The following ACOX3 variants were observed in gnomAD, a reference collection of about 807,000 sequenced individuals.
ACOX3 encodes acyl-CoA oxidase 3, pristanoyl.
Under a neutral mutation model 81.5 loss-of-function variants are expected in ACOX3, and 73 were observed. The observed-to-expected ratio is 0.90, with a 90% CI of 0.74 to 1.09. ACOX3 has a LOEUF of 1.09. Among genes scored for constraint, ACOX3 ranks in the 50% least tolerant of loss-of-function variants. The pLI is 0.00. For missense variants in ACOX3, 947 were observed against 928.0 expected (o/e 1.02, Z -0.27); for synonymous variants, 387 against 375.1 (o/e 1.03, Z -0.37).
chr4:8,439,673 G>C (rs995457520), intron 1 of ACOX3, among the ~76,000 whole-genome samples: 2 of 152,192 alleles, frequency 1.3e-5, no homozygotes, highest in African/African-American at 2.4e-5. Context: ...TTTAACACAG[G>C]TTTGATCCTA....
intron 1 of ACOX3, among the ~76,000 whole-genome samples, chr4:8,427,109 G>T (rs965351968): frequency 6.6e-6 from 1 of 152,160 alleles, no homozygotes; most frequent in Non-Finnish European, 1.5e-5. Flanking sequence ...CTTTAAACAT[G>T]GGGCTTGTAA....
At position 8,386,661 on chromosome 4, in the gene ACOX3, G is replaced by C. The variant is rs1448737632; in HGVS notation, c.1537+2512C>G. Among the ~76,000 whole-genome samples, 1 of 151,998 alleles carries C rather than the reference G, an allele frequency of 6.6e-6. No individual in the cohort carries two copies. The highest frequency in any genetic ancestry group is 1.5e-5 in the Non-Finnish European group (1 of 68,026). On this transcript the variant is annotated intron_variant, in intron 13 of 17. Coordinates refer to ENST00000356406, the MANE Select transcript of ACOX3 (RefSeq NM_003501.3). The surrounding 1 kb of genome is among the most constrained non-coding windows in gnomAD (Gnocchi z 5.2). ...ACTGGCACCCAAAAAGGCAGGCTAA[G>C]ATCTGCACGGTTAGTTACCGTCAGA...
chr4:8,386,941 C>T lies in ACOX3; in HGVS notation c.1537+2232G>A, dbSNP rs1000398344. Among the ~76,000 whole-genome samples, 1 of 152,252 alleles carries T rather than the reference C, an allele frequency of 6.6e-6. No individual in the cohort carries two copies. The highest frequency in any genetic ancestry group is 6.5e-5 in the Admixed American group (1 of 15,288). On this transcript the variant is annotated intron_variant, in intron 13 of 17. Coordinates refer to ENST00000356406, the MANE Select transcript of ACOX3 (RefSeq NM_003501.3). This position sits in a 1 kb window ranked among gnomAD's most constrained non-coding sequence, Gnocchi z 5.2. ...ACGGCGTCGGTCCTGATGGCTGGAA[C>T]GCGTCCTCCATGTGTGCCTGTCCCC...
At chr4:8,357,521 G>A in the ACOX3 span, 9,992 of 298,362 alleles carry the variant, frequency 0.033, 249 homozygotes, top group South Asian at 0.074. Flanking sequence ...TAATAATCAC[G>A]TTAGTTTTAC....
In ACOX3 at chr4:8,385,836, G is replaced by C. The variant is rs1718233990; in HGVS notation, c.1537+3337C>G. Among the ~76,000 whole-genome samples the C allele has an allele frequency of 6.6e-6, 1 of 152,210 alleles. No individual in the cohort carries two copies. The highest frequency in any genetic ancestry group is 2.1e-4 in the South Asian group (1 of 4,834). On this transcript the variant is annotated intron_variant, in intron 13 of 17. Transcript: ENST00000356406. The surrounding 1 kb of genome is among the most constrained non-coding windows in gnomAD (Gnocchi z 5.5). The stretch of plus-strand genomic sequence containing the variant: ...CAGGCTGCAGTCAGCCCTGAGACCT[G>C]GGATCTGTGACCAAATGCCCTTGAG...
chr4:8,403,778 A>C (rs989703649), intron 7 of ACOX3, among the ~76,000 whole-genome samples: 2 of 152,226 alleles, frequency 1.3e-5, no homozygotes, highest in Non-Finnish European at 1.5e-5. Flanking sequence ...TTAGGGGGGA[A>C]CCAAGTGCAG....
At chr4:8,427,053 CGACT>C (rs1560207284) in intron 1 of ACOX3, among the ~76,000 whole-genome samples, 2 of 152,130 alleles carry the variant, frequency 1.3e-5, no homozygotes, top group African/African-American at 4.8e-5. Flanking sequence ...CTTCCTAGGC[CGACT>C]AAGAATTCCT....
At position 8,430,188 on chromosome 4, in the gene ACOX3, A is replaced by G. The variant is rs1207528376; in HGVS notation, c.-15+10460T>C. On this transcript the variant is annotated intron_variant, in intron 1 of 17. Transcript: ENST00000356406. The surrounding 1 kb of genome is among the most constrained non-coding windows in gnomAD (Gnocchi z 5.2). The stretch of plus-strand genomic sequence containing the variant: ...AGTTATTACTGTTATTTAAACAGAC[A>G]TATAATTATGGGTATCAGTGGGAGC... Among the ~76,000 whole-genome samples the G allele has an allele frequency of 6.6e-6, 1 of 152,242 alleles. No individual in the cohort carries two copies. Among genetic ancestry groups the G allele is most frequent in the African/African-American group, 2.4e-5 (1 of 41,458 alleles).
intron 15 of ACOX3, chr4:8,374,675 T>G (rs7700122): frequency 0.41 from 120,534 of 294,632 alleles, 25,429 homozygotes; most frequent in African/African-American, 0.54. Flanking sequence ...TGGGACCTAG[T>G]GGGTGGGCTT....
In ACOX3 at chr4:8,366,770, A is replaced by G. The variant is rs1029959652; in HGVS notation, c.*191T>C. 4 of 619,386 alleles carry G rather than the reference A, an allele frequency of 6.5e-6. No homozygotes were observed. Among genetic ancestry groups the G allele is most frequent in the Non-Finnish European group, 1.1e-5 (4 of 373,174 alleles). The allele number at this position is 619,386 out of a possible 1,614,324, so 38.4% of individuals were successfully genotyped here. On this transcript the variant is annotated 3_prime_UTR_variant, in exon 18 of 18. Coordinates refer to ENST00000356406, the MANE Select transcript of ACOX3 (RefSeq NM_003501.3). ...ACGCTGCAAATCACCGCGATCCCAG[A>G]TTAGTCCAGCCGGCCGGGTGCCTCC...
chr4:8,440,532 A>G (rs1724558661), intron 1 of ACOX3, 116 bp downstream of exon 1: 4 of 342,838 alleles, frequency 1.2e-5, no homozygotes, highest in South Asian at 1.1e-4. Flanking sequence ...TTTATCGGTA[A>G]TCAGTACTGA....
At chr4:8,401,907 C>T (rs920284653) in intron 7 of ACOX3, among the ~76,000 whole-genome samples, 27 of 152,226 alleles carry the variant, frequency 1.8e-4, no homozygotes, top group Non-Finnish European at 3.4e-4. Flanking sequence ...GGGTATGAGG[C>T]GGACCCCAGG....
the ACOX3 span, among the ~76,000 whole-genome samples, chr4:8,360,442 AT>A: frequency 6.6e-6 from 1 of 151,672 alleles, no homozygotes; most frequent in Non-Finnish European, 1.5e-5. Context: ...AGTTTGCTAA[AT>A]GCTTTAAGGT....
In ACOX3 at chr4:8,394,037, C is replaced by A. The variant is rs1191147665; in HGVS notation, c.1179+583G>T. 2.0e-5 allele frequency among the ~76,000 whole-genome samples: 3 copies of A among 152,238 alleles called. No individual in the cohort carries two copies. The highest frequency in any genetic ancestry group is 2.1e-4 in the South Asian group (1 of 4,830). On this transcript the variant is annotated intron_variant, in intron 10 of 17. Coordinates refer to ENST00000356406, the MANE Select transcript of ACOX3 (RefSeq NM_003501.3). This position sits in a 1 kb window ranked among gnomAD's most constrained non-coding sequence, Gnocchi z 5.9. Reference sequence around the variant, plus strand: ...AGGCTTTTTCTGATGTTGTACATAACAGCAATCTGTGGCGTTTCTCCTCTG... The same window carrying A: ...AGGCTTTTTCTGATGTTGTACATAAAAGCAATCTGTGGCGTTTCTCCTCTG...
Position 8,431,516 on chromosome 4 carries a change from C to T in ACOX3, c.-15+9132G>A, listed in dbSNP as rs1184057255. ...AGGAAGAGAGGAAGGGGTCGTGCTA[C>T]ACTCTGTTGTATTTGGGACCTGGGT... On this transcript the variant is annotated intron_variant, in intron 1 of 17. Coordinates refer to ENST00000356406, the MANE Select transcript of ACOX3 (RefSeq NM_003501.3). The surrounding 1 kb of genome is among the most constrained non-coding windows in gnomAD (Gnocchi z 5.3). Among the ~76,000 whole-genome samples, 2 of 152,222 alleles carry T rather than the reference C, an allele frequency of 1.3e-5. No homozygotes were observed. Among genetic ancestry groups the T allele is most frequent in the Non-Finnish European group, 2.9e-5 (2 of 68,040 alleles).
At chr4:8,377,056 C>T (rs1717057119) in intron 14 of ACOX3, among the ~76,000 whole-genome samples, 1 of 152,040 alleles carries the variant, frequency 6.6e-6, no homozygotes, top group African/African-American at 2.4e-5. Context: ...GGCATCTGCA[C>T]CCCCGTAGGC....
chr4:8,362,829 A>G (rs550142946), downstream of ACOX3, among the ~76,000 whole-genome samples: 77 of 152,326 alleles, frequency 5.1e-4, 1 homozygote, highest in African/African-American at 1.8e-3. Flanking sequence ...GTCTTATCTG[A>G]GATTCCTTCT....
At chr4:8,433,382 G>A (rs144165278) in intron 1 of ACOX3, among the ~76,000 whole-genome samples, 1 of 152,378 alleles carries the variant, frequency 6.6e-6, no homozygotes, top group Non-Finnish European at 1.5e-5. Context: ...AGATTGAAGT[G>A]CTGGAGGCAC....
chr4:8,422,165 G>A (rs1459497119), intron 1 of ACOX3, among the ~76,000 whole-genome samples: 1 of 151,998 alleles, frequency 6.6e-6, no homozygotes, highest in East Asian at 1.9e-4. Context: ...GAAAGAGAGA[G>A]AGAAGAGAGA....
Sources: allele counts gnomAD v4.1 joint callset (sites outside exome capture counted in the v4.1 genomes callset), GRCh38; gene constraint gnomAD v4.1.1; non-coding constraint Gnocchi (gnomAD v3.1); transcripts MANE v1.5; gene names NCBI Gene and HGNC (gene_info 2026-07-23, HGNC 2026-07-21).